The following CPA6 variants were observed in gnomAD, a reference collection of about 807,000 sequenced individuals.
CPA6 encodes the protein carboxypeptidase A6.
Under a neutral mutation model 63.3 loss-of-function variants are expected in CPA6, and 58 were observed. That is an observed-to-expected ratio of 0.92 (90% CI 0.74 to 1.14). The LOEUF (loss-of-function observed/expected upper bound fraction) is 1.14, where lower values mean the gene tolerates loss of function less well. Among genes scored for constraint, CPA6 ranks in the 50% most tolerant of loss-of-function variants. CPA6 has a pLI of 0.00. For synonymous variants in CPA6, 185 were observed against 179.0 expected, an observed-to-expected ratio of 1.03 and a Z score of -0.27; for missense variants, 565 against 526.6, an observed-to-expected ratio of 1.07 and a Z score of -0.71.
At chr8:67,613,660 T>C (rs992838914) in intron 2 of CPA6, among the ~76,000 whole-genome samples, 10 of 152,220 alleles carry the variant, frequency 6.6e-5, no homozygotes, top group African/African-American at 1.2e-4. Context: ...ACTAGTGATA[T>C]GGACAGGAGA....
chr8:67,611,546 C>A (rs989812913), intron 2 of CPA6, among the ~76,000 whole-genome samples: 1 of 151,724 alleles, frequency 6.6e-6, no homozygotes, highest in East Asian at 1.9e-4. Flanking sequence ...AATAGATTGC[C>A]TCTCAATTCC....
chr8:67,455,323 T>C (rs140196978), intron 8 of CPA6, among the ~76,000 whole-genome samples: 147 of 152,190 alleles, frequency 9.7e-4, no homozygotes, highest in African/African-American at 3.0e-3. Context: ...GTGGTTCTCA[T>C]TGTGGTGTTG....
chr8:67,519,226 GC>G (rs1265307550), intron 2 of CPA6, among the ~76,000 whole-genome samples: 1 of 152,194 alleles, frequency 6.6e-6, no homozygotes, highest in Non-Finnish European at 1.5e-5. Context: ...TAGGAGCTTG[GC>G]CTTCATCAAA....
At chr8:67,726,889 C>T (rs1817606156) in intron 1 of CPA6, among the ~76,000 whole-genome samples, 1 of 152,130 alleles carries the variant, frequency 6.6e-6, no homozygotes, top group Non-Finnish European at 1.5e-5. Flanking sequence ...AAAGGAGGAA[C>T]ATGCTTGTTT....
intron 9 of CPA6, among the ~76,000 whole-genome samples, chr8:67,433,793 A>G (rs955291698): frequency 5.3e-5 from 8 of 152,354 alleles, no homozygotes; most frequent in African/African-American, 1.9e-4. Context: ...TATGAGACTT[A>G]GTAGTTGTGT....
At chr8:67,500,191 A>C (rs1227616656) in intron 6 of CPA6, among the ~76,000 whole-genome samples, 1 of 152,030 alleles carries the variant, frequency 6.6e-6, no homozygotes, top group African/African-American at 2.4e-5. Flanking sequence ...AGATGTATAG[A>C]TCTACCTATA....
intron 2 of CPA6, among the ~76,000 whole-genome samples, chr8:67,552,512 G>A (rs1049023004): frequency 2.0e-5 from 3 of 152,088 alleles, no homozygotes; most frequent in South Asian, 2.1e-4. Context: ...GGTGGCTCAT[G>A]CCTGTAATCC....
intron 8 of CPA6, among the ~76,000 whole-genome samples, chr8:67,475,847 CTTTCTTT>C (rs1811191681): frequency 1.4e-5 from 1 of 71,992 alleles, no homozygotes; most frequent in African/African-American, 6.1e-5. Flanking sequence ...TTCTTTCTTT[CTTTCTTT>C]CTTTCTTTCT....
At chr8:67,443,219 C>G (rs1810334836) in intron 8 of CPA6, among the ~76,000 whole-genome samples, 1 of 152,048 alleles carries the variant, frequency 6.6e-6, no homozygotes. Context: ...CACCACCATG[C>G]CTGGCTAATT....
rs1332446360 is a variant in CPA6 at position 67,475,048 on chromosome 8, A to G, written c.838+8720T>C. 2.0e-5 allele frequency among the ~76,000 whole-genome samples: 3 copies of G among 152,222 alleles called. No homozygotes were observed. The East Asian group carries it at 5.8e-4, about 29-fold the overall frequency. ...CAGTTCTTCCTAAGTCTCAGCATTC[A>G]TTGTTAGCTCTCCCTAAGTATCAAA... is the stretch of plus-strand genomic sequence containing the variant. On this transcript the variant is annotated intron_variant, in intron 8 of 10. Transcript: ENST00000297770.
intron 2 of CPA6, among the ~76,000 whole-genome samples, chr8:67,596,321 C>T (rs1814333664): frequency 1.3e-5 from 2 of 152,144 alleles, no homozygotes; most frequent in East Asian, 3.9e-4. Context: ...TATTGTTGTA[C>T]CTGTTCTTAT....
At chr8:67,597,508 A>T (rs944516317) in intron 2 of CPA6, among the ~76,000 whole-genome samples, 2 of 152,000 alleles carry the variant, frequency 1.3e-5, no homozygotes, top group Admixed American at 1.3e-4. Flanking sequence ...TGTGTCTTTT[A>T]TCTTGCATTT....
intron 8 of CPA6, among the ~76,000 whole-genome samples, chr8:67,472,176 G>C (rs1235835150): frequency 6.6e-6 from 1 of 152,044 alleles, no homozygotes; most frequent in Non-Finnish European, 1.5e-5. Context: ...GAGCAGCATG[G>C]GAGTGTTACC....
At chr8:67,721,271 C>G (rs1010054521) in intron 1 of CPA6, among the ~76,000 whole-genome samples, 1 of 152,170 alleles carries the variant, frequency 6.6e-6, no homozygotes, top group African/African-American at 2.4e-5. Context: ...AAAAGAAATA[C>G]CATGCGTGCC....
At chr8:67,670,234 T>G (rs1191026066) in intron 1 of CPA6, among the ~76,000 whole-genome samples, 1 of 152,180 alleles carries the variant, frequency 6.6e-6, no homozygotes, top group Admixed American at 6.5e-5. Context: ...GGAAACATAA[T>G]GGCTTCTGGG....
intron 2 of CPA6, among the ~76,000 whole-genome samples, chr8:67,546,404 G>A (rs980008730): frequency 6.6e-6 from 1 of 152,210 alleles, no homozygotes; most frequent in African/African-American, 2.4e-5. Flanking sequence ...AAACTCTACT[G>A]TCCCTCAAGG....
chr8:67,640,737 C>G (rs868709172), intron 1 of CPA6, among the ~76,000 whole-genome samples: 1 of 151,462 alleles, frequency 6.6e-6, no homozygotes, highest in African/African-American at 2.5e-5. Flanking sequence ...GTCCTGGGCT[C>G]CCACTTGTCC....
chr8:67,677,122 A>G (rs1392236554), intron 1 of CPA6, among the ~76,000 whole-genome samples: 1 of 152,142 alleles, frequency 6.6e-6, no homozygotes, highest in Admixed American at 6.5e-5. Flanking sequence ...ACAGGGTACA[A>G]CCTTCGCAGT....
intron 1 of CPA6, among the ~76,000 whole-genome samples, chr8:67,661,526 G>A (rs531565406): frequency 6.6e-6 from 1 of 152,184 alleles, no homozygotes; most frequent in South Asian, 2.1e-4. Flanking sequence ...TTCAGGGCTG[G>A]CCCCACAGCA....
Sources: gnomAD v4.1 joint callset for allele counts (sites outside exome capture counted in the v4.1 genomes callset) on GRCh38, gnomAD v4.1.1 for gene constraint, MANE v1.5 for transcripts, NCBI Gene and HGNC (gene_info 2026-07-23, HGNC 2026-07-21) for gene names.